Variants in SMIM31 observed in about 807,000 individuals in gnomAD.
SMIM31 encodes the protein small integral membrane protein 31.
intron 2 of SMIM31, among the ~76,000 whole-genome samples, chr4:164,797,422 A>ATATG (rs1447843077): frequency 6.6e-6 from 1 of 151,216 alleles, no homozygotes. Context: ...ATGTATATAT[A>ATATG]TATGTATGTA....
At chr4:164,782,600 C>T (rs530462922) in intron 2 of SMIM31, among the ~76,000 whole-genome samples, 5 of 147,628 alleles carry the variant, frequency 3.4e-5, no homozygotes, top group Non-Finnish European at 5.9e-5. Context: ...AGGATGGTCT[C>T]GTGAGCCACT....
chr4:164,791,682 A>T (rs7681596), intron 2 of SMIM31, among the ~76,000 whole-genome samples: 110,651 of 152,022 alleles, frequency 0.73, 40,776 homozygotes, highest in Non-Finnish European at 0.8. Flanking sequence ...GTTGTCAATA[A>T]TATTACTATT....
At chr4:164,789,349 C>T (rs1733070930) in intron 2 of SMIM31, among the ~76,000 whole-genome samples, 1 of 152,192 alleles carries the variant, frequency 6.6e-6, no homozygotes, top group African/African-American at 2.4e-5. Flanking sequence ...CCTTTATCTA[C>T]ACTCCATAGG....
At chr4:164,795,831 A>G (rs998054012) in intron 2 of SMIM31, among the ~76,000 whole-genome samples, 1 of 152,164 alleles carries the variant, frequency 6.6e-6, no homozygotes, top group African/African-American at 2.4e-5. Flanking sequence ...CCGGGGCTGC[A>G]TAGTATAAAG....
intron 1 of SMIM31, among the ~76,000 whole-genome samples, chr4:164,756,719 T>C (rs1732567627): frequency 1.3e-5 from 2 of 152,148 alleles, no homozygotes; most frequent in South Asian, 2.1e-4. Context: ...ATAGTATGTA[T>C]GTTCAATGTT....
chr4:164,791,679 A>C (rs1284990886), intron 2 of SMIM31, among the ~76,000 whole-genome samples: 2 of 152,124 alleles, frequency 1.3e-5, no homozygotes, highest in African/African-American at 4.8e-5. Context: ...TTTGTTGTCA[A>C]TAATATTACT....
Position 164,771,539 on chromosome 4 carries a change from C to T in SMIM31, c.112+984C>T, listed in dbSNP as rs183146784. 1.3e-3 allele frequency among the ~76,000 whole-genome samples: 193 copies of T among 152,160 alleles called. 4 individuals are homozygous for T. The highest frequency in any genetic ancestry group is 2.9e-4 in the African/African-American group (12 of 41,516). On this transcript the variant is annotated intron_variant, in intron 2 of 2. Transcript: ENST00000507311. ...TCCACTTGCTGGGCGCGGTGACTCACGCCTATAATCCCAGCACTTTGGGAG... is the reference window on the plus strand; with the variant it reads ...TCCACTTGCTGGGCGCGGTGACTCATGCCTATAATCCCAGCACTTTGGGAG...
At chr4:164,773,277 C>T (rs1732836606) in intron 2 of SMIM31, among the ~76,000 whole-genome samples, 1 of 152,154 alleles carries the variant, frequency 6.6e-6, no homozygotes, top group South Asian at 2.1e-4. Context: ...TGTCCTGGCT[C>T]TGCCATTGGG....
intron 2 of SMIM31, among the ~76,000 whole-genome samples, chr4:164,796,039 T>C (rs1180767303): frequency 6.6e-6 from 1 of 152,218 alleles, no homozygotes; most frequent in East Asian, 1.9e-4. Flanking sequence ...AGTATCCAGC[T>C]TATGGGCTAA....
chr4:164,758,914 C>G (rs903814208), intron 1 of SMIM31, among the ~76,000 whole-genome samples: 5 of 143,428 alleles, frequency 3.5e-5, no homozygotes, highest in African/African-American at 1.0e-4. Context: ...GTGATCTGCC[C>G]GCCTCAGCCT....
intron 1 of SMIM31, among the ~76,000 whole-genome samples, chr4:164,766,824 A>G (rs77549991): frequency 0.037 from 5,661 of 152,104 alleles, 198 homozygotes; most frequent in East Asian, 0.16. Context: ...GAAAAATGCA[A>G]TGGAGAATAG....
At chr4:164,781,129 T>TACACACACACACACACACACAC (rs138037586) in intron 2 of SMIM31, among the ~76,000 whole-genome samples, 5 of 144,452 alleles carry the variant, frequency 3.5e-5, no homozygotes, top group African/African-American at 1.3e-4. Flanking sequence ...TACATTTACA[T>TACACACACACACACACACACAC]ACACACACAC....
At chr4:164,764,780 A>C (rs992079723) in intron 1 of SMIM31, among the ~76,000 whole-genome samples, 1 of 152,210 alleles carries the variant, frequency 6.6e-6, no homozygotes, top group Non-Finnish European at 1.5e-5. Flanking sequence ...AAGCCCAGGC[A>C]ACATGACAAA....
intron 2 of SMIM31, among the ~76,000 whole-genome samples, chr4:164,775,382 AT>A (rs1276752257): frequency 6.6e-6 from 1 of 152,204 alleles, no homozygotes; most frequent in East Asian, 1.9e-4. Context: ...TTTAGCTGAG[AT>A]TTGAACTGTT....
At position 164,801,508 on chromosome 4, in the gene SMIM31, CAATTTGGTAAGATAAACAAACAAACAAAA is replaced by C. The variant is rs1391938688; in HGVS notation, c.*320_*348del. The C allele has an allele frequency of 5.0e-6, 1 of 201,138 alleles. No homozygotes were observed. 12.5% of individuals were successfully genotyped at this position (201,138 alleles called of 1,614,324 possible). On this transcript the variant is annotated 3_prime_UTR_variant, in exon 3 of 3. Coordinates refer to ENST00000507311, the MANE Select transcript of SMIM31 (RefSeq NM_001352885.1). The stretch of plus-strand genomic sequence containing the variant: ...AGAAAGAAGAAAACTACATGTGTTA[CAATTTGGTAAGATAAACAAACAAACAAAA>C]AATTTAATCACTTTTTTTGGTCCTG...
intron 2 of SMIM31, among the ~76,000 whole-genome samples, chr4:164,795,092 T>C (rs979931259): frequency 6.6e-6 from 1 of 152,236 alleles, no homozygotes; most frequent in South Asian, 2.1e-4. Context: ...AGTTCTAAAT[T>C]TGGCTACATA....
chr4:164,772,824 C>T (rs572501682), intron 2 of SMIM31, among the ~76,000 whole-genome samples: 3 of 151,374 alleles, frequency 2.0e-5, no homozygotes, highest in South Asian at 4.2e-4. Flanking sequence ...GTGATCCGCC[C>T]GCCTCGGCCT....
intron 1 of SMIM31, among the ~76,000 whole-genome samples, chr4:164,765,928 T>C (rs1343983616): frequency 6.6e-6 from 1 of 152,196 alleles, no homozygotes; most frequent in African/African-American, 2.4e-5. Context: ...CCTTGGCCCT[T>C]GATGCATGCA....
intron 2 of SMIM31, among the ~76,000 whole-genome samples, chr4:164,787,582 A>T (rs1207593139): frequency 6.7e-6 from 1 of 148,516 alleles, no homozygotes; most frequent in Non-Finnish European, 1.5e-5. Context: ...ATACAGTCAG[A>T]GTAGGCCCGC....
Sources: allele counts gnomAD v4.1 joint callset (sites outside exome capture counted in the v4.1 genomes callset), GRCh38; gene constraint gnomAD v4.1.1; transcripts MANE v1.5; gene names NCBI Gene and HGNC (gene_info 2026-07-23, HGNC 2026-07-21).